CSMD1: variants seen among roughly 807,000 people sequenced by gnomAD.
CSMD1 encodes CUB and Sushi multiple domains 1.
Under a neutral mutation model 417.5 loss-of-function variants are expected in CSMD1, and 213 were observed. The observed-to-expected ratio is 0.51, with a 90% CI of 0.46 to 0.57. The LOEUF (loss-of-function observed/expected upper bound fraction) is 0.57. Ranked by LOEUF, CSMD1 falls within the 20% of genes least tolerant of loss-of-function variation. The pLI is 0.00. For missense variants in CSMD1, 6,923 were observed against 4,529.7 expected (o/e 1.53, Z -15.17); for synonymous variants, 2,862 against 1,736.8 (o/e 1.65, Z -16.11).
chr8:4,172,757 C>T (rs752527468), intron 3 of CSMD1, among the ~76,000 whole-genome samples: 35 of 152,134 alleles, frequency 2.3e-4, no homozygotes, highest in South Asian at 4.1e-4. Context: ...TGGCTTCCAC[C>T]TCTTTCTTGG....
chr8:3,202,607 T>C (rs1019463146), intron 31 of CSMD1, among the ~76,000 whole-genome samples: 1 of 152,222 alleles, frequency 6.6e-6, no homozygotes, highest in Non-Finnish European at 1.5e-5. Flanking sequence ...CTTTTCTTAT[T>C]TATTGTAAGA....
chr8:4,420,293 G>T (rs1019753000), intron 2 of CSMD1, among the ~76,000 whole-genome samples: 3 of 151,944 alleles, frequency 2.0e-5, no homozygotes, highest in Admixed American at 6.6e-5. Context: ...ATTTCTTCTT[G>T]AAAATACTTA....
In CSMD1 at chr8:3,254,866, C is replaced by A. The variant is rs558273222; in HGVS notation, c.4154-24635G>T. 5.3e-5 allele frequency among the ~76,000 whole-genome samples: 8 copies of A among 152,280 alleles called. No individual in the cohort carries two copies. In the South Asian group the frequency reaches 1.7e-3, roughly 32 times the overall value. On this transcript the variant is annotated intron_variant, in intron 26 of 69. Transcript: ENST00000635120. Reference sequence around the variant, plus strand: ...TTGCTAGTCTGAAGCCTTCTTCTCTCAACTTGTCAAAGTCATTCTCCATCC... The same window carrying A: ...TTGCTAGTCTGAAGCCTTCTTCTCTAAACTTGTCAAAGTCATTCTCCATCC...
chr8:3,884,710 A>C (rs773511884), intron 5 of CSMD1, among the ~76,000 whole-genome samples: 9 of 152,062 alleles, frequency 5.9e-5, no homozygotes, highest in Non-Finnish European at 1.3e-4. Flanking sequence ...CAACTGAGAA[A>C]ATGTCCATGA....
chr8:4,158,448 A>T (rs1285405840), intron 3 of CSMD1, among the ~76,000 whole-genome samples: 1 of 152,194 alleles, frequency 6.6e-6, no homozygotes, highest in Non-Finnish European at 1.5e-5. Flanking sequence ...AAAATCAAAG[A>T]AACAGTAATA....
In CSMD1 at chr8:3,878,336, T is replaced by C. The variant is rs547268201; in HGVS notation, c.818+119567A>G. ...ATTCTCTACACTATTCTTTAAAATA[T>C]TCTTACACGTGTATCTTCTTTATTT... On this transcript the variant is annotated intron_variant, in intron 5 of 69. Coordinates refer to ENST00000635120, the MANE Select transcript of CSMD1 (RefSeq NM_033225.6). Among the ~76,000 whole-genome samples, 10 of 152,304 alleles carry C rather than the reference T, an allele frequency of 6.6e-5. No homozygotes were observed. The South Asian group carries it at 1.7e-3, about 25-fold the overall frequency.
intron 3 of CSMD1, among the ~76,000 whole-genome samples, chr8:4,270,928 G>C (rs1216709400): frequency 1.3e-5 from 2 of 152,106 alleles, no homozygotes; most frequent in East Asian, 1.9e-4. Context: ...TGAAAAATGA[G>C]ACACCCCTAG....
At chr8:3,170,785 G>T (rs1324022507) in intron 37 of CSMD1, among the ~76,000 whole-genome samples, 1 of 152,156 alleles carries the variant, frequency 6.6e-6, no homozygotes, top group Non-Finnish European at 1.5e-5. Context: ...ATGGACTATT[G>T]AAAACAAGAT....
At chr8:4,047,374 G>C (rs1487736811) in intron 3 of CSMD1, among the ~76,000 whole-genome samples, 1 of 152,116 alleles carries the variant, frequency 6.6e-6, no homozygotes, top group South Asian at 2.1e-4. Flanking sequence ...TCATGGAATA[G>C]GAACAATCTT....
At chr8:4,902,009 G>T (rs528061113) in intron 1 of CSMD1, among the ~76,000 whole-genome samples, 1 of 152,156 alleles carries the variant, frequency 6.6e-6, no homozygotes, top group Non-Finnish European at 1.5e-5. Context: ...AGGCTGTAAG[G>T]AAATGCAGCT....
intron 1 of CSMD1, among the ~76,000 whole-genome samples, chr8:4,800,219 A>C (rs1442803664): frequency 1.3e-5 from 2 of 152,106 alleles, no homozygotes; most frequent in Non-Finnish European, 2.9e-5. Flanking sequence ...CGGATGGATC[A>C]CCTGAGGTCA....
Position 3,451,170 on chromosome 8 carries a change from T to C in CSMD1, c.1561+17542A>G, listed in dbSNP as rs544848974. ...CACTTTTTGATGGGGTTGCTTGTTT[T>C]CTTCTTGTAAATTTGTTTGAGTTCA... On this transcript the variant is annotated intron_variant, in intron 12 of 69. Coordinates refer to ENST00000635120, the MANE Select transcript of CSMD1 (RefSeq NM_033225.6). 5.9e-5 allele frequency among the ~76,000 whole-genome samples: 9 copies of C among 152,364 alleles called. No homozygotes were observed. In the South Asian group the frequency reaches 1.7e-3, roughly 28 times the overall value.
intron 26 of CSMD1, among the ~76,000 whole-genome samples, chr8:3,273,212 C>A (rs1053535175): frequency 1.3e-5 from 2 of 150,834 alleles, no homozygotes; most frequent in African/African-American, 4.9e-5. Flanking sequence ...GTCTTTGGTT[C>A]TGTTTATATG....
chr8:3,587,541 G>GA lies in CSMD1; in HGVS notation c.1098-1282dup, dbSNP rs549057119. Among the ~76,000 whole-genome samples the GA allele has an allele frequency of 1.3e-4, 19 of 151,764 alleles. 1 individual carries two copies. Among genetic ancestry groups the GA allele is most frequent in the Admixed American group, 5.3e-4 (8 of 15,210 alleles). On this transcript the variant is annotated intron_variant, in intron 8 of 69. Coordinates refer to ENST00000635120, the MANE Select transcript of CSMD1 (RefSeq NM_033225.6). The stretch of plus-strand genomic sequence containing the variant: ...AGATGCTTTCCTTTCTTGCTTAGTG[G>GA]AAAAAAAATCCATATCTATAATATC...
chr8:4,406,866 G>A, intron 3 of CSMD1, among the ~76,000 whole-genome samples: 1 of 152,208 alleles, frequency 6.6e-6, no homozygotes, highest in East Asian at 1.9e-4. Context: ...TGTAAATACA[G>A]CTCGTATTGA....
At chr8:3,344,173 A>G (rs1410541303) in intron 22 of CSMD1, among the ~76,000 whole-genome samples, 1 of 152,190 alleles carries the variant, frequency 6.6e-6, no homozygotes, top group Non-Finnish European at 1.5e-5. Flanking sequence ...TGGGTTCCCA[A>G]CTAGTGGGGA....
rs1234468152 is a variant in CSMD1, at chr8:4,392,920, G to T, written c.415+27033C>A. On this transcript the variant is annotated intron_variant, in intron 3 of 69. Transcript: ENST00000635120. ...GGAGACGGAGCTTGCAGTGAGCGGA[G>T]ATCCTGCCACTGCACTCCAGACTGG... is the stretch of plus-strand genomic sequence containing the variant. Among the ~76,000 whole-genome samples, 4 of 151,968 alleles carry T rather than the reference G, an allele frequency of 2.6e-5. 1 individual carries two copies. In the South Asian group the frequency reaches 8.3e-4, roughly 32 times the overall value.
chr8:3,465,350 G>C (rs1195549177), intron 12 of CSMD1, among the ~76,000 whole-genome samples: 1 of 152,146 alleles, frequency 6.6e-6, no homozygotes, highest in African/African-American at 2.4e-5. Context: ...ATTGTCTTTG[G>C]GGAGTTAGAG....
chr8:4,925,651 A>T (rs1806814208), intron 1 of CSMD1, among the ~76,000 whole-genome samples: 1 of 150,676 alleles, frequency 6.6e-6, no homozygotes, highest in Middle Eastern at 3.5e-3. Flanking sequence ...GGTTCACGCC[A>T]TTCTCCTGCC....
Sources: allele counts gnomAD v4.1 joint callset (sites outside exome capture counted in the v4.1 genomes callset), GRCh38; gene constraint gnomAD v4.1.1; transcripts MANE v1.5; gene names NCBI Gene and HGNC (gene_info 2026-07-23, HGNC 2026-07-21).